The following BCAR3 variants were observed in gnomAD, a reference collection of about 807,000 sequenced individuals.
The protein encoded by BCAR3 is BCAR3 adaptor protein, NSP family member, also known as breast cancer anti-estrogen resistance protein 3.
BCAR3 carries 37 observed loss-of-function variants against 80.1 expected under a neutral mutation model. The observed-to-expected ratio is 0.46, with a 90% CI of 0.36 to 0.61. The LOEUF (loss-of-function observed/expected upper bound fraction) is 0.61, where lower values mean the gene tolerates loss of function less well. Ranked by LOEUF, BCAR3 falls within the 20% of genes least tolerant of loss-of-function variation. BCAR3 has a pLI of 0.00. For synonymous variants in BCAR3, 389 were observed against 418.9 expected, an observed-to-expected ratio of 0.93 and a Z score of 0.87; for missense variants, 978 against 1,068.2, an observed-to-expected ratio of 0.92 and a Z score of 1.18.
chr1:93,707,392 C>T (rs752799990), intron 2 of BCAR3, among the ~76,000 whole-genome samples: 6 of 151,792 alleles, frequency 4.0e-5, no homozygotes, highest in African/African-American at 9.7e-5. Flanking sequence ...ATGCAAAATC[C>T]GCATTAAATA....
chr1:93,824,888 G>C (rs1160479973), intron 2 of BCAR3, among the ~76,000 whole-genome samples: 1 of 133,714 alleles, frequency 7.5e-6, no homozygotes, highest in African/African-American at 2.5e-5. Flanking sequence ...GGTGGTCTGG[G>C]GGGACCATCC....
At chr1:93,832,514 G>C (rs563928528) in intron 2 of BCAR3, among the ~76,000 whole-genome samples, 5 of 152,258 alleles carry the variant, frequency 3.3e-5, no homozygotes, top group Admixed American at 2.0e-4. Context: ...AGATCTTCTC[G>C]GCTTAGCAGC....
At chr1:93,732,722 G>T (rs1650832617) in intron 2 of BCAR3, among the ~76,000 whole-genome samples, 1 of 152,224 alleles carries the variant, frequency 6.6e-6, no homozygotes, top group African/African-American at 2.4e-5. Flanking sequence ...CCCTAGGGGA[G>T]ATCCCACCGT....
intron 2 of BCAR3, among the ~76,000 whole-genome samples, chr1:93,790,702 T>C (rs947923412): frequency 7.9e-6 from 1 of 127,216 alleles, no homozygotes; most frequent in African/African-American, 3.3e-5. Context: ...GTGCACATTG[T>C]GCAGGTTAGT....
chr1:93,708,017 A>G (rs1649883715), intron 2 of BCAR3, among the ~76,000 whole-genome samples: 1 of 152,200 alleles, frequency 6.6e-6, no homozygotes, highest in South Asian at 2.1e-4. Flanking sequence ...GGGCGGCTCA[A>G]AAGTTGCCAG....
intron 3 of BCAR3, among the ~76,000 whole-genome samples, chr1:93,639,970 C>A (rs553440573): frequency 2.0e-5 from 3 of 152,022 alleles, no homozygotes. Flanking sequence ...TTGTTTTTTT[C>A]GGCCAATGAA....
chr1:93,613,933 T>G, intron 3 of BCAR3: 1 of 1,550,410 alleles, frequency 6.4e-7, no homozygotes, highest in Non-Finnish European at 8.7e-7. Flanking sequence ...TTAGGCATCT[T>G]TCGGTCTTCA....
chr1:93,643,848 C>T (rs1254081048), intron 2 of BCAR3, among the ~76,000 whole-genome samples: 1 of 152,126 alleles, frequency 6.6e-6, no homozygotes, highest in African/African-American at 2.4e-5. Context: ...TTTGCTTCAA[C>T]TTTAGTAACC....
chr1:93,701,274 G>A (rs993554230), intron 3 of BCAR3, among the ~76,000 whole-genome samples: 4 of 152,282 alleles, frequency 2.6e-5, no homozygotes, highest in South Asian at 2.1e-4. Context: ...TGAGTTCTCC[G>A]CTGTCACTGG....
intron 2 of BCAR3, among the ~76,000 whole-genome samples, chr1:93,755,379 C>A (rs1651707624): frequency 6.6e-6 from 1 of 152,194 alleles, no homozygotes; most frequent in Admixed American, 6.5e-5. Context: ...CACTGACTCA[C>A]CCAGAACAAC....
At chr1:93,782,931 C>G (rs1571124150) in intron 2 of BCAR3, among the ~76,000 whole-genome samples, 1 of 152,086 alleles carries the variant, frequency 6.6e-6, no homozygotes, top group African/African-American at 2.4e-5. Flanking sequence ...GAATTAGTAT[C>G]CAGAATATAT....
intron 7 of BCAR3, among the ~76,000 whole-genome samples, chr1:93,581,283 C>CA (rs1673696014): frequency 1.3e-5 from 2 of 152,288 alleles, no homozygotes; most frequent in Non-Finnish European, 2.9e-5. Flanking sequence ...AGATATTACA[C>CA]ATGCAATTAT....
At chr1:93,837,859 C>T (rs979202453) in intron 2 of BCAR3, among the ~76,000 whole-genome samples, 14 of 152,202 alleles carry the variant, frequency 9.2e-5, no homozygotes, top group Non-Finnish European at 2.1e-4. Flanking sequence ...GCCCTTACTT[C>T]ATGTTAGTAC....
At chr1:93,833,175 G>A (rs1216314619) in intron 2 of BCAR3, among the ~76,000 whole-genome samples, 3 of 152,268 alleles carry the variant, frequency 2.0e-5, no homozygotes, top group East Asian at 3.9e-4. Flanking sequence ...GGCAGGTTCC[G>A]TGATGCCCAC....
At chr1:93,802,750 T>C (rs1653526732) in intron 2 of BCAR3, among the ~76,000 whole-genome samples, 1 of 152,222 alleles carries the variant, frequency 6.6e-6, no homozygotes, top group Non-Finnish European at 1.5e-5. Context: ...ATTTTTGCAG[T>C]AGAGAAACAG....
intron 9 of BCAR3, among the ~76,000 whole-genome samples, chr1:93,569,310 G>A (rs1307996904): frequency 6.6e-6 from 1 of 152,244 alleles, no homozygotes; most frequent in African/African-American, 2.4e-5. Context: ...CAGCTGGTAT[G>A]TGGTAGAGCT....
intron 5 of BCAR3, chr1:93,585,042 C>T: frequency 9.1e-6 from 9 of 985,470 alleles, no homozygotes; most frequent in Non-Finnish European, 1.1e-5. Flanking sequence ...ATTCCAGCAA[C>T]CTTTCGAAGA....
rs563085489 is a variant in BCAR3, at chr1:93,726,071, G to GT, written c.-62-19930dup. The stretch of plus-strand genomic sequence containing the variant: ...TCAGAGGTTATTAGCTTTTTTTTTT[G>GT]TTTTTTTGTTTTTGAGACAGGGTGT... On this transcript the variant is annotated intron_variant, in intron 2 of 13. Transcript: ENST00000370244. Among the ~76,000 whole-genome samples the GT allele has an allele frequency of 2.1e-4, 31 of 147,790 alleles. No individual in the cohort carries two copies. The South Asian group carries it at 2.4e-3, about 11-fold the overall frequency.
At chr1:93,834,593 C>T (rs1345848239) in intron 2 of BCAR3, among the ~76,000 whole-genome samples, 5 of 152,222 alleles carry the variant, frequency 3.3e-5, no homozygotes, top group Admixed American at 6.5e-5. Context: ...GTCCAAACAA[C>T]GTGACCTTAC....
Sources: allele counts gnomAD v4.1 joint callset (sites outside exome capture counted in the v4.1 genomes callset), GRCh38; gene constraint gnomAD v4.1.1; transcripts MANE v1.5; gene names NCBI Gene and HGNC (gene_info 2026-07-23, HGNC 2026-07-21).